The following ATP6V0A4 variants were observed in gnomAD, a reference collection of about 807,000 sequenced individuals.
ATP6V0A4 encodes V-type proton ATPase 116 kDa subunit a 4.
A neutral mutation model predicts 107.3 loss-of-function variants in ATP6V0A4; 86 were observed. The observed-to-expected ratio is 0.80, with a 90% confidence interval of 0.67 to 0.96. ATP6V0A4 has a LOEUF of 0.96. ATP6V0A4 is among the 40% of genes least tolerant of loss of function. The pLI is 0.00. For missense variants in ATP6V0A4, 908 were observed against 1,045.6 expected (o/e 0.87, Z 1.81); for synonymous variants, 353 against 381.4 (o/e 0.93, Z 0.87).
At chr7:138,750,383 T>C (rs910611755) in intron 11 of ATP6V0A4, among the ~76,000 whole-genome samples, 2 of 152,122 alleles carry the variant, frequency 1.3e-5, no homozygotes, top group African/African-American at 4.8e-5. Context: ...CCTGAGTAGC[T>C]GGGACTACAG....
At chr7:138,764,670 T>C (rs1807000089) in intron 5 of ATP6V0A4, among the ~76,000 whole-genome samples, 2 of 152,016 alleles carry the variant, frequency 1.3e-5, no homozygotes, top group African/African-American at 2.4e-5. Flanking sequence ...AAAGGAATAA[T>C]AACTGAAAAA....
intron 19 of ATP6V0A4, among the ~76,000 whole-genome samples, chr7:138,716,511 A>G (rs1804041176): frequency 1.3e-5 from 2 of 150,816 alleles, no homozygotes; most frequent in African/African-American, 4.9e-5. Context: ...AAATAACAGA[A>G]CGAAGAAGAC....
chr7:138,767,556 G>C (rs1807157269), intron 5 of ATP6V0A4, among the ~76,000 whole-genome samples: 1 of 150,542 alleles, frequency 6.6e-6, no homozygotes, highest in African/African-American at 2.5e-5. Context: ...ATATTTTCTA[G>C]AAGATTTGAC....
rs571351322 is a variant in ATP6V0A4 at position 138,709,556 on chromosome 7, C to T, written c.2429+68G>A. 3.5e-5 allele frequency: 51 copies of T among 1,469,788 alleles called. No homozygotes were observed. In the African/African-American group the frequency reaches 5.7e-4, roughly 16 times the overall value. The allele number at this position is 1,469,788 out of a possible 1,614,324, so 91.0% of individuals were successfully genotyped here. A position where few individuals can be genotyped will look rare whatever the true frequency, so the allele number is the denominator to read the frequency against. On this transcript the variant is annotated intron_variant, in intron 21 of 21. Coordinates refer to ENST00000310018, the MANE Select transcript of ATP6V0A4 (RefSeq NM_020632.3). ...ATACAGCTCACGATCTGAACCCAGTCGGCTGGCCCCACAGCCCACTCCCTT... is the reference window on the plus strand; with the variant it reads ...ATACAGCTCACGATCTGAACCCAGTTGGCTGGCCCCACAGCCCACTCCCTT...
At chr7:138,744,871 T>C (rs1475720943) in intron 14 of ATP6V0A4, among the ~76,000 whole-genome samples, 2 of 151,828 alleles carry the variant, frequency 1.3e-5, no homozygotes, top group African/African-American at 2.4e-5. Flanking sequence ...TCTGGCTAAT[T>C]TTTGTATTTT....
At chr7:138,775,181 A>T (rs1807604106) in intron 2 of ATP6V0A4, among the ~76,000 whole-genome samples, 1 of 152,108 alleles carries the variant, frequency 6.6e-6, no homozygotes, top group South Asian at 2.1e-4. Context: ...CTGCAAAAGT[A>T]CAGCAAATAG....
chr7:138,797,463 C>T (rs1213282872), intron 1 of ATP6V0A4, among the ~76,000 whole-genome samples: 1 of 152,002 alleles, frequency 6.6e-6, no homozygotes, highest in Non-Finnish European at 1.5e-5. Flanking sequence ...AGTGATCCAC[C>T]TGCCTCAGCC....
At chr7:138,730,386 G>GTGTGTGT (rs1194328965) in intron 17 of ATP6V0A4, among the ~76,000 whole-genome samples, 27 of 149,466 alleles carry the variant, frequency 1.8e-4, no homozygotes, top group East Asian at 3.9e-4. Flanking sequence ...GTGTGTGTGT[G>GTGTGTGT]GCTATCCTTT....
At chr7:138,786,992 T>C (rs1027115358) in intron 1 of ATP6V0A4, among the ~76,000 whole-genome samples, 5 of 152,224 alleles carry the variant, frequency 3.3e-5, no homozygotes, top group Non-Finnish European at 7.3e-5. Flanking sequence ...TACAGAGTCA[T>C]AGAAATCTAT....
chr7:138,714,367 A>G (rs1803920039), intron 20 of ATP6V0A4, among the ~76,000 whole-genome samples: 1 of 152,070 alleles, frequency 6.6e-6, no homozygotes, highest in Admixed American at 6.6e-5. Flanking sequence ...GGGGCTTACA[A>G]GTGAGTTGGT....
At position 138,773,665 on chromosome 7, in the gene ATP6V0A4, G is replaced by C. The variant is rs1321722107; in HGVS notation, c.-17-2401C>G. On this transcript the variant is annotated intron_variant, in intron 2 of 21. Coordinates refer to ENST00000310018, the MANE Select transcript of ATP6V0A4 (RefSeq NM_020632.3). The surrounding 1 kb of genome is among the most constrained non-coding windows in gnomAD (Gnocchi z 5.4). Reference sequence around the variant, plus strand: ...CATCATCCCTCAGGAAGTGCACATGGTCTGGGCCCACATTTGTGCCTTTTG... The same window carrying C: ...CATCATCCCTCAGGAAGTGCACATGCTCTGGGCCCACATTTGTGCCTTTTG... Among the ~76,000 whole-genome samples the C allele has an allele frequency of 6.6e-6, 1 of 152,268 alleles. No individual in the cohort carries two copies. Among genetic ancestry groups the C allele is most frequent in the African/African-American group, 2.4e-5 (1 of 41,546 alleles).
At chr7:138,769,865 C>G (rs994782774) in intron 3 of ATP6V0A4, among the ~76,000 whole-genome samples, 59 of 152,038 alleles carry the variant, frequency 3.9e-4, no homozygotes, top group Non-Finnish European at 5.9e-5. Flanking sequence ...ATCCCTTGAG[C>G]CCAGGAGTTC....
In ATP6V0A4 at chr7:138,784,245, T is replaced by TAC. The variant is rs1563020809; in HGVS notation, c.-18+1912_-18+1913insGT. Among the ~76,000 whole-genome samples, 4 of 31,488 alleles carry TAC rather than the reference T, an allele frequency of 1.3e-4. 1 individual carries two copies. The highest frequency in any genetic ancestry group is 4.4e-4 in the African/African-American group (4 of 9,024). 20.7% of individuals were successfully genotyped at this position (31,488 alleles called of 152,430 possible). On this transcript the variant is annotated intron_variant, in intron 2 of 21. Transcript: ENST00000310018. The stretch of plus-strand genomic sequence containing the variant: ...ATATATATATATATACGTATATATA[T>TAC]ATATATACATATATATATATACATA...
In ATP6V0A4 at chr7:138,769,264, A is replaced by C. The variant is rs375517225; in HGVS notation, c.118-13T>G. ...CATTCATATTTAACTATGGGGGCGA[A>C]AATCACAAGATACATGTTAGTAGCA... On this transcript the variant is annotated splice_polypyrimidine_tract_variant and intron_variant, in intron 3 of 21. Coordinates refer to ENST00000310018, the MANE Select transcript of ATP6V0A4 (RefSeq NM_020632.3). 224 of 1,610,740 alleles carry C rather than the reference A, an allele frequency of 1.4e-4. No homozygotes were observed. Among genetic ancestry groups the C allele is most frequent in the Non-Finnish European group, 1.8e-4 (216 of 1,179,964 alleles).
At chr7:138,792,025 T>A (rs1164482304) in intron 1 of ATP6V0A4, among the ~76,000 whole-genome samples, 1 of 152,118 alleles carries the variant, frequency 6.6e-6, no homozygotes, top group Non-Finnish European at 1.5e-5. Context: ...CAGGAGTGGA[T>A]AGGCCAGGTG....
At chr7:138,792,375 A>G (rs1428415772) in intron 1 of ATP6V0A4, among the ~76,000 whole-genome samples, 7 of 152,230 alleles carry the variant, frequency 4.6e-5, no homozygotes, top group Non-Finnish European at 7.3e-5. Flanking sequence ...TGATATGTTA[A>G]GAATGCACTT....
chr7:138,761,331 C>CA lies in ATP6V0A4; in HGVS notation c.512+1008dup, dbSNP rs11350259. ...TGGGCAACAGAGTGAGAGCCCGTGT[C>CA]AAAAAAAAACACACAAATTCAGGCC... is the stretch of plus-strand genomic sequence containing the variant. On this transcript the variant is annotated intron_variant, in intron 7 of 21. Transcript: ENST00000310018. Among the ~76,000 whole-genome samples, 49 of 150,436 alleles carry CA rather than the reference C, an allele frequency of 3.3e-4. 1 individual carries two copies. The highest frequency in any genetic ancestry group is 2.2e-3 in the Admixed American group (33 of 15,112).
At position 138,708,292 on chromosome 7, in the gene ATP6V0A4, C is replaced by T. The variant is rs192664100; in HGVS notation, c.2429+1332G>A. 3.9e-4 allele frequency among the ~76,000 whole-genome samples: 59 copies of T among 152,190 alleles called. 2 individuals are homozygous for T. Among genetic ancestry groups the T allele is most frequent in the African/African-American group, 1.3e-3 (55 of 41,512 alleles). The stretch of plus-strand genomic sequence containing the variant: ...AACTCCTGACCTCAGCTGATCCGCC[C>T]GCCTTGGCCTCCCAAAGTGCTGGGA... On this transcript the variant is annotated intron_variant, in intron 21 of 21. Transcript: ENST00000310018.
chr7:138,767,169 A>G (rs185082724), intron 5 of ATP6V0A4, among the ~76,000 whole-genome samples: 41 of 152,356 alleles, frequency 2.7e-4, no homozygotes, highest in African/African-American at 9.1e-4. Flanking sequence ...GTTATTTTCA[A>G]GTGAATTAAT....
Sources: gnomAD v4.1 joint callset for allele counts (sites outside exome capture counted in the v4.1 genomes callset) on GRCh38, gnomAD v4.1.1 for gene constraint, Gnocchi (gnomAD v3.1) non-coding constraint, MANE v1.5 for transcripts, NCBI Gene and HGNC (gene_info 2026-07-23, HGNC 2026-07-21) for gene names.